Variants in PHACTR3 observed in about 807,000 individuals in gnomAD.
PHACTR3 encodes the protein phosphatase and actin regulator 3.
Under a neutral mutation model 66.8 loss-of-function variants are expected in PHACTR3, and 16 were observed. The ratio of observed to expected loss-of-function variants is 0.24; its 90% CI spans 0.16 to 0.36. PHACTR3 has a LOEUF of 0.36. PHACTR3 is among the 10% of genes least tolerant of loss of function. PHACTR3 has a pLI of 1.00. For synonymous variants in PHACTR3, 323 were observed against 292.1 expected, an observed-to-expected ratio of 1.11 and a Z score of -1.08; for missense variants, 647 against 719.9, an observed-to-expected ratio of 0.90 and a Z score of 1.16.
intron 1 of PHACTR3, among the ~76,000 whole-genome samples, chr20:59,660,860 C>T (rs530845118): frequency 2.4e-4 from 36 of 152,300 alleles, no homozygotes; most frequent in African/African-American, 7.9e-4. Context: ...TAGTCATTGC[C>T]TTTGCCTATG....
intron 1 of PHACTR3, among the ~76,000 whole-genome samples, chr20:59,688,780 A>T (rs897955998): frequency 2.0e-5 from 3 of 152,202 alleles, no homozygotes; most frequent in Non-Finnish European, 2.9e-5. Context: ...ATAAATAAAT[A>T]ATGATGAAAC....
chr20:59,793,623 A>G (rs1277398130), intron 7 of PHACTR3, among the ~76,000 whole-genome samples: 1 of 152,062 alleles, frequency 6.6e-6, no homozygotes, highest in East Asian at 1.9e-4. Flanking sequence ...TTGTATGTTG[A>G]TTTTTGTATC....
At chr20:59,743,345 A>C (rs922359089) in intron 2 of PHACTR3, 77 bp downstream of exon 2, 4 of 1,548,742 alleles carry the variant, frequency 2.6e-6, no homozygotes, top group Non-Finnish European at 2.6e-6. Flanking sequence ...GCCCCTGCTG[A>C]TCTGTGACTT....
intron 1 of PHACTR3, among the ~76,000 whole-genome samples, chr20:59,609,090 G>A (rs1298449079): frequency 1.3e-5 from 2 of 152,188 alleles, no homozygotes; most frequent in Admixed American, 6.5e-5. Context: ...AGCTGGATGG[G>A]GCCAGAGAGT....
intron 8 of PHACTR3, among the ~76,000 whole-genome samples, chr20:59,821,787 C>T (rs1054545319): frequency 6.6e-6 from 1 of 152,054 alleles, no homozygotes; most frequent in Non-Finnish European, 1.5e-5. Context: ...GCATGTGGAT[C>T]CCTATGGGCT....
intron 1 of PHACTR3, among the ~76,000 whole-genome samples, chr20:59,583,067 C>T (rs1046875412): frequency 2.6e-5 from 4 of 152,122 alleles, no homozygotes; most frequent in Admixed American, 6.5e-5. Context: ...AGTCCTCAGC[C>T]GGGGGCATAC....
At chr20:59,657,257 T>TTG (rs112043545) in intron 1 of PHACTR3, among the ~76,000 whole-genome samples, 8,813 of 150,154 alleles carry the variant, frequency 0.059, 414 homozygotes, top group Admixed American at 0.12. Flanking sequence ...TAGAAGTGTG[T>TTG]TGTGTGTGTG....
At chr20:59,648,767 G>A (rs536883744) in intron 1 of PHACTR3, among the ~76,000 whole-genome samples, 1 of 152,322 alleles carries the variant, frequency 6.6e-6, no homozygotes, top group Admixed American at 6.5e-5. Flanking sequence ...GAAAATGATG[G>A]ATTGGGTTGA....
chr20:59,709,134 A>G (rs2037822159), intron 1 of PHACTR3, among the ~76,000 whole-genome samples: 1 of 152,232 alleles, frequency 6.6e-6, no homozygotes, highest in South Asian at 2.1e-4. Context: ...ATTATTTTCT[A>G]CAACGTTCAG....
chr20:59,800,440 G>T (rs888117042), intron 7 of PHACTR3, among the ~76,000 whole-genome samples: 1 of 152,092 alleles, frequency 6.6e-6, no homozygotes, highest in Admixed American at 6.5e-5. Flanking sequence ...ATTCCGAGTT[G>T]TCTGGGGTTT....
intron 1 of PHACTR3, among the ~76,000 whole-genome samples, chr20:59,615,229 G>A (rs2033988148): frequency 6.6e-6 from 1 of 152,188 alleles, no homozygotes; most frequent in Non-Finnish European, 1.5e-5. Flanking sequence ...TGAAGGTAGT[G>A]CTTGGAAGAC....
At chr20:59,794,336 A>G (rs948930120) in intron 7 of PHACTR3, among the ~76,000 whole-genome samples, 1 of 152,170 alleles carries the variant, frequency 6.6e-6, no homozygotes, top group African/African-American at 2.4e-5. Flanking sequence ...TTCTGCATCT[A>G]TGATTTAACA....
intron 1 of PHACTR3, among the ~76,000 whole-genome samples, chr20:59,720,926 G>A (rs1303767969): frequency 6.6e-6 from 1 of 152,158 alleles, no homozygotes; most frequent in Non-Finnish European, 1.5e-5. Context: ...GATTTCTGTA[G>A]TGGGTGTCAG....
At position 59,748,707 on chromosome 20, in the gene PHACTR3, ACT is replaced by A. The variant is rs1256667751; in HGVS notation, c.358+877_358+878del. Among the ~76,000 whole-genome samples the A allele has an allele frequency of 4.6e-5, 7 of 151,916 alleles. No homozygotes were observed. The East Asian group carries it at 1.4e-3, about 29-fold the overall frequency. ...CACAACACCTCACTGCCTCTGGAAG[ACT>A]CTCTGGAGCTGGACCAAGCTCTGGC... On this transcript the variant is annotated intron_variant, in intron 3 of 12. Transcript: ENST00000371015.
At chr20:59,658,955 T>C (rs1355273146) in intron 1 of PHACTR3, among the ~76,000 whole-genome samples, 1 of 132,460 alleles carries the variant, frequency 7.5e-6, no homozygotes, top group Non-Finnish European at 1.6e-5. Flanking sequence ...TTACTTGTCT[T>C]TTTTTTTTTT....
At chr20:59,664,368 C>T (rs978131868) in intron 1 of PHACTR3, among the ~76,000 whole-genome samples, 4 of 152,128 alleles carry the variant, frequency 2.6e-5, no homozygotes, top group Admixed American at 6.5e-5. Context: ...CAAAGTGAAC[C>T]TTGGGCAGCC....
chr20:59,630,768 G>A (rs142811845), intron 1 of PHACTR3, among the ~76,000 whole-genome samples: 3,349 of 152,068 alleles, frequency 0.022, 47 homozygotes, highest in Non-Finnish European at 0.035. Flanking sequence ...GTCCAGTCCC[G>A]GCCACCCTCA....
At chr20:59,588,474 T>C (rs931139346) in intron 1 of PHACTR3, among the ~76,000 whole-genome samples, 22 of 152,246 alleles carry the variant, frequency 1.4e-4, no homozygotes, top group African/African-American at 4.8e-4. Context: ...CCAACACCCT[T>C]CCAGGAGAGG....
intron 1 of PHACTR3, among the ~76,000 whole-genome samples, chr20:59,633,468 A>T (rs537439890): frequency 6.6e-6 from 1 of 152,292 alleles, no homozygotes; most frequent in East Asian, 1.9e-4. Flanking sequence ...ACATGGTCAC[A>T]GAGAGGGGAA....
Sources: gnomAD v4.1 joint callset for allele counts (sites outside exome capture counted in the v4.1 genomes callset) on GRCh38, gnomAD v4.1.1 for gene constraint, MANE v1.5 for transcripts, NCBI Gene and HGNC (gene_info 2026-07-23, HGNC 2026-07-21) for gene names.